TMTC4: variants seen among roughly 807,000 people sequenced by gnomAD.
TMTC4 encodes transmembrane O-mannosyltransferase targeting cadherins 4, also known as protein O-mannosyl-transferase TMTC4.
A neutral mutation model predicts 86.0 loss-of-function variants in TMTC4; 65 were observed. The observed-to-expected ratio is 0.76, with a 90% CI of 0.62 to 0.93. The LOEUF is 0.93. TMTC4 is among the 40% of genes least tolerant of loss of function. The pLI is 0.00. For synonymous variants in TMTC4, 379 were observed against 382.5 expected (o/e 0.99, Z 0.11); for missense variants, 866 against 948.1 (o/e 0.91, Z 1.14).
At position 100,612,379 on chromosome 13, in the gene TMTC4, C is replaced by T. The variant is rs1572641; in HGVS notation, c.2064+19G>A. ...TGCTGGCACTAACTGCAAGAACTCA[C>T]AGCCTGCGGTTTACGCACCTTGTAT... On this transcript the variant is annotated intron_variant, in intron 17 of 18. Coordinates refer to ENST00000342624, the MANE Select transcript of TMTC4 (RefSeq NM_032813.5). The T allele has an allele frequency of 0.46, 712,676 of 1,565,592 alleles. 165,431 individuals carry two copies. Among genetic ancestry groups the T allele is most frequent in the Admixed American group, 0.59 (31,841 of 53,742 alleles).
intron 6 of TMTC4, among the ~76,000 whole-genome samples, chr13:100,647,581 C>T (rs1012350030): frequency 3.3e-5 from 5 of 152,150 alleles, no homozygotes; most frequent in African/African-American, 1.2e-4. Flanking sequence ...TACATTTCTG[C>T]CTAGAAAAAC....
intron 16 of TMTC4, among the ~76,000 whole-genome samples, chr13:100,613,669 C>T (rs2153023754): frequency 6.6e-6 from 1 of 152,230 alleles, no homozygotes; most frequent in East Asian, 1.9e-4. Flanking sequence ...TACTGTCACA[C>T]CTCTCCCCCA....
At position 100,668,726 on chromosome 13, in the gene TMTC4, G is replaced by A. The variant is rs201358700; in HGVS notation, c.72C>T (p.Asp24=). The A allele has an allele frequency of 6.2e-7, 1 of 1,614,134 alleles. No individual in the cohort carries two copies. The highest frequency in any genetic ancestry group is 8.5e-7 in the Non-Finnish European group (1 of 1,180,056). The change falls in exon 3 of 19, where the codon GAC becomes GAT. Residue 24 remains aspartate, a synonymous_variant. Coordinates refer to ENST00000342624, the MANE Select transcript of TMTC4 (RefSeq NM_032813.5). ...QPAVFRMAVL[D]TDLDHILPSS... is the part of the protein sequence containing the mutation. ...ATGGAAGAATGTGATCCAAATCAGT[G>A]TCCAACACGGCCATTCTGAAAACTG... is the stretch of plus-strand genomic sequence containing the variant.
At chr13:100,619,643 A>AAC (rs35983053) in intron 15 of TMTC4, among the ~76,000 whole-genome samples, 50,422 of 152,098 alleles carry the variant, frequency 0.33, 8,821 homozygotes, top group East Asian at 0.4. Flanking sequence ...AACATTTATG[A>AAC]ACATCCATTT....
intron 6 of TMTC4, among the ~76,000 whole-genome samples, chr13:100,653,326 C>T (rs943567313): frequency 1.3e-5 from 2 of 152,176 alleles, no homozygotes; most frequent in African/African-American, 4.8e-5. Context: ...TTCACTAGCC[C>T]CGGTTCTGGG....
chr13:100,673,949 C>A, intron 1 of TMTC4: 1 of 842,632 alleles, frequency 1.2e-6, no homozygotes, highest in Non-Finnish European at 1.4e-6. Context: ...GGGGAAAGAG[C>A]GAAGTGTGGG....
In TMTC4 at chr13:100,618,450, T is replaced by G. The variant is rs865944943; in HGVS notation, c.1837-4020A>C. On this transcript the variant is annotated intron_variant, in intron 15 of 18. Transcript: ENST00000342624. ...GGAATGCTTCCAGATTTTTGTTGCT[T>G]CTTGTTTTTTTTTTTTTTTTAATCT... is the stretch of plus-strand genomic sequence containing the variant. Among the ~76,000 whole-genome samples, 569 of 141,018 alleles carry G rather than the reference T, an allele frequency of 4.0e-3. 2 individuals are homozygous for G. Among genetic ancestry groups the G allele is most frequent in the African/African-American group, 0.014 (547 of 38,422 alleles). 92.5% of individuals were successfully genotyped at this position (141,018 alleles called of 152,430 possible).
Position 100,647,986 on chromosome 13 carries a change from T to C in TMTC4, c.641-5675A>G, listed in dbSNP as rs142289071. Among the ~76,000 whole-genome samples the C allele has an allele frequency of 2.4e-3, 359 of 152,312 alleles. 3 individuals are homozygous for C. The highest frequency in any genetic ancestry group is 8.2e-3 in the African/African-American group (339 of 41,566). Reference sequence around the variant, plus strand: ...CACCTCTCCCATCCTCTATTGCAATTCTGACAGAAGAGTCCTACTCTTTTT... The same window carrying C: ...CACCTCTCCCATCCTCTATTGCAATCCTGACAGAAGAGTCCTACTCTTTTT... On this transcript the variant is annotated intron_variant, in intron 6 of 18. Coordinates refer to ENST00000342624, the MANE Select transcript of TMTC4 (RefSeq NM_032813.5).
chr13:100,642,828 C>T (rs2138916087), intron 6 of TMTC4, among the ~76,000 whole-genome samples: 1 of 152,272 alleles, frequency 6.6e-6, no homozygotes, highest in East Asian at 1.9e-4. Context: ...CTGCTCTGCT[C>T]CCTGTGTGGA....
chr13:100,670,967 G>C (rs1303089901), intron 1 of TMTC4, among the ~76,000 whole-genome samples: 2 of 152,156 alleles, frequency 1.3e-5, no homozygotes, highest in East Asian at 3.9e-4. Context: ...CAACAACAAA[G>C]CCCAACAAAG....
At chr13:100,674,474 A>G in intron 1 of TMTC4, 1 of 910,560 alleles carries the variant, frequency 1.1e-6, no homozygotes, top group Non-Finnish European at 1.3e-6. Context: ...GGAGAAGCTC[A>G]GGGGCCCGAG....
chr13:100,674,317 G>A (rs1383330074), intron 1 of TMTC4: 5 of 978,768 alleles, frequency 5.1e-6, no homozygotes, highest in Non-Finnish European at 6.0e-6. Context: ...CATCGCCTGC[G>A]CCGCGGCCAG....
rs547137604 is a variant in TMTC4 at position 100,638,201 on chromosome 13, T to C, written c.742-179A>G. The C allele has an allele frequency of 2.6e-4, 138 of 538,632 alleles. No homozygotes were observed. The East Asian group carries it at 4.0e-3, about 16-fold the overall frequency. 33.4% of individuals were successfully genotyped at this position (538,632 alleles called of 1,614,324 possible). A position where few individuals can be genotyped will look rare whatever the true frequency, so the allele number is the denominator to read the frequency against. Reference sequence around the variant, plus strand: ...AGCCGTACGTTTCTATGAAATTAGCTCAAGGTAATAGATCATATTTATTAT... The same window carrying C: ...AGCCGTACGTTTCTATGAAATTAGCCCAAGGTAATAGATCATATTTATTAT... On this transcript the variant is annotated intron_variant, in intron 7 of 18. Coordinates refer to ENST00000342624, the MANE Select transcript of TMTC4 (RefSeq NM_032813.5).
rs775839704 is a variant in TMTC4, at chr13:100,626,066, C to A, written c.1586+5G>T. On this transcript the variant is annotated splice_donor_5th_base_variant and intron_variant, in intron 13 of 18. Transcript: ENST00000342624. ...TAATTCTTCTGTAAGACATACTCGC[C>A]ATACCTTACAGCTTCCCGGTAGTAT... 3 of 1,614,170 alleles carry A rather than the reference C, an allele frequency of 1.9e-6. No individual in the cohort carries two copies. Among genetic ancestry groups the A allele is most frequent in the Non-Finnish European group, 2.5e-6 (3 of 1,180,010 alleles).
intron 15 of TMTC4, among the ~76,000 whole-genome samples, chr13:100,623,640 G>T (rs1183907655): frequency 4.2e-5 from 4 of 96,184 alleles, no homozygotes; most frequent in Non-Finnish European, 6.1e-5. Context: ...TACTAGTTGG[G>T]TTTTGTTTTT....
In TMTC4 at chr13:100,635,108, C is replaced by T. The variant is rs773003882; in HGVS notation, c.1290G>A (p.Glu430=). The T allele has an allele frequency of 1.4e-5, 23 of 1,614,026 alleles. No homozygotes were observed. The Admixed American group carries it at 3.5e-4, about 25-fold the overall frequency. The change falls in exon 11 of 19, where the codon GAG becomes GAA. Residue 430 remains glutamate, a synonymous_variant. Coordinates refer to ENST00000342624, the MANE Select transcript of TMTC4 (RefSeq NM_032813.5). ...CAACGCTGGGGAGGTAGAGGACACG[C>T]TCTGCGACCACGAAGCCCACTCGGA... ...LFFRVGFVVA[E]RVLYLPSVGY... is the part of the protein sequence containing the mutation.
chr13:100,623,461 G>A (rs1313571736), intron 15 of TMTC4, among the ~76,000 whole-genome samples: 2 of 152,196 alleles, frequency 1.3e-5, no homozygotes, highest in Non-Finnish European at 2.9e-5. Context: ...TTGAACTCCT[G>A]ACCTCAAGTG....
At chr13:100,644,878 G>A (rs994731506) in intron 6 of TMTC4, among the ~76,000 whole-genome samples, 2 of 151,664 alleles carry the variant, frequency 1.3e-5, no homozygotes, top group Admixed American at 6.6e-5. Flanking sequence ...GCAATGGTGC[G>A]ATCTCGGCTC....
chr13:100,656,380 C>T lies in TMTC4; in HGVS notation c.640+1G>A, dbSNP rs1452517166. ...ATTAAGAAGGCAAACAGAATGCTTA[C>T]TTTCTCTAAATGCTTTACAGTAGCC... is the stretch of plus-strand genomic sequence containing the variant. On this transcript the variant is annotated splice_donor_variant, in intron 6 of 18. Coordinates refer to ENST00000342624, the MANE Select transcript of TMTC4 (RefSeq NM_032813.5). LOFTEE classifies it high-confidence loss of function. The T allele has an allele frequency of 6.2e-7, 1 of 1,610,532 alleles. No homozygotes were observed. The highest frequency in any genetic ancestry group is 8.5e-7 in the Non-Finnish European group (1 of 1,178,854).
Sources: gnomAD v4.1 joint callset for allele counts (sites outside exome capture counted in the v4.1 genomes callset) on GRCh38, gnomAD v4.1.1 for gene constraint, MANE v1.5 for transcripts, NCBI Gene and HGNC (gene_info 2026-07-23, HGNC 2026-07-21) for gene names.